The following TASP1 variants were observed in gnomAD, a reference collection of about 807,000 sequenced individuals.
TASP1 encodes taspase 1, also known as threonine aspartase 1.
A neutral mutation model predicts 56.6 loss-of-function variants in TASP1; 16 were observed. The observed-to-expected ratio is 0.28, with a 90% CI of 0.19 to 0.43. The LOEUF (loss-of-function observed/expected upper bound fraction) is 0.43. TASP1 is among the 20% of genes least tolerant of loss of function. TASP1 has a pLI of 1.00. For synonymous variants in TASP1, 179 were observed against 184.2 expected (o/e 0.97, Z 0.23); for missense variants, 393 against 511.6 (o/e 0.77, Z 2.24).
At chr20:13,375,043 A>C in the TASP1 span, among the ~76,000 whole-genome samples, 1 of 152,142 alleles carries the variant, frequency 6.6e-6, no homozygotes, top group African/African-American at 2.4e-5. Context: ...CAGCAGTATA[A>C]TTGGGCTGGG....
At chr20:13,255,561 G>A in the TASP1 span, among the ~76,000 whole-genome samples, 3 of 152,206 alleles carry the variant, frequency 2.0e-5, no homozygotes, top group African/African-American at 7.2e-5. Flanking sequence ...GGTTTTAAAG[G>A]ATGCATAGGA....
the TASP1 span, chr20:13,221,863 C>A: frequency 2.2e-5 from 31 of 1,429,522 alleles, no homozygotes; most frequent in Non-Finnish European, 2.6e-5. Flanking sequence ...GCTCGGGAGC[C>A]GCCGACGGGC....
At chr20:13,232,341 G>C in the TASP1 span, among the ~76,000 whole-genome samples, 1 of 152,170 alleles carries the variant, frequency 6.6e-6, no homozygotes, top group African/African-American at 2.4e-5. Context: ...CCACTGATCT[G>C]CCTTCTCTCA....
At position 13,597,905 on chromosome 20, in the gene TASP1, C is replaced by T. The variant is rs572471200; in HGVS notation, c.283-10535G>A. Among the ~76,000 whole-genome samples, 4 of 152,170 alleles carry T rather than the reference C, an allele frequency of 2.6e-5. No homozygotes were observed. In the South Asian group the frequency reaches 8.3e-4, roughly 32 times the overall value. Reference sequence around the variant, plus strand: ...CACCAATAACAGACAAACAGAGAGCCAAATCATGAGTGAACTCCCATTCAC... The same window carrying T: ...CACCAATAACAGACAAACAGAGAGCTAAATCATGAGTGAACTCCCATTCAC... On this transcript the variant is annotated intron_variant, in intron 4 of 13. Coordinates refer to ENST00000337743, the MANE Select transcript of TASP1 (RefSeq NM_017714.3).
the TASP1 span, among the ~76,000 whole-genome samples, chr20:13,276,636 G>A: frequency 4.6e-5 from 7 of 151,986 alleles, no homozygotes; most frequent in African/African-American, 1.7e-4. Context: ...TTAAGGATGA[G>A]AAAGGACGGT....
intron 11 of TASP1, among the ~76,000 whole-genome samples, chr20:13,456,665 AC>A (rs539664933): frequency 2.0e-3 from 302 of 152,216 alleles, no homozygotes; most frequent in African/African-American, 6.8e-3. Flanking sequence ...TTTTTCATGA[AC>A]TTTTTGCAGT....
At chr20:13,558,961 A>G in intron 8 of TASP1, 47 bp downstream of exon 8, 2 of 1,204,144 alleles carry the variant, frequency 1.7e-6, no homozygotes, top group African/African-American at 3.1e-5. Context: ...AATGCAGAAG[A>G]TATATCATCT....
At chr20:13,190,367 C>G in the TASP1 span, among the ~76,000 whole-genome samples, 1 of 152,276 alleles carries the variant, frequency 6.6e-6, no homozygotes, top group East Asian at 1.9e-4. Flanking sequence ...TACCATGGTA[C>G]TGGCATAAAA....
At chr20:13,337,397 GCTC>G in the TASP1 span, among the ~76,000 whole-genome samples, 1 of 152,144 alleles carries the variant, frequency 6.6e-6, no homozygotes, top group Non-Finnish European at 1.5e-5. Flanking sequence ...GCTTCACACA[GCTC>G]CTCATTCCCA....
At position 13,582,350 on chromosome 20, in the gene TASP1, CTT is replaced by C. The variant is rs373113204; in HGVS notation, c.404-1371_404-1370del. ...TAACTTATAACTTATAAATTTATAACTTATAACTTATAAATTGGATTTATAAG... is the reference window on the plus strand; with the variant it reads ...TAACTTATAACTTATAAATTTATAACATAACTTATAAATTGGATTTATAAG... On this transcript the variant is annotated intron_variant, in intron 5 of 13. Coordinates refer to ENST00000337743, the MANE Select transcript of TASP1 (RefSeq NM_017714.3). Among the ~76,000 whole-genome samples, 498 of 151,130 alleles carry C rather than the reference CTT, an allele frequency of 3.3e-3. 2 individuals are homozygous for C. Among genetic ancestry groups the C allele is most frequent in the East Asian group, 0.012 (60 of 5,156 alleles).
At chr20:13,219,031 T>C in the TASP1 span, among the ~76,000 whole-genome samples, 7 of 152,366 alleles carry the variant, frequency 4.6e-5, no homozygotes, top group East Asian at 1.3e-3. Flanking sequence ...TTCCAGAGTT[T>C]TTTAAAGGTC....
At chr20:13,609,085 T>C (rs564530330) in intron 4 of TASP1, among the ~76,000 whole-genome samples, 4 of 152,260 alleles carry the variant, frequency 2.6e-5, no homozygotes, top group Non-Finnish European at 2.9e-5. Flanking sequence ...GCTCCAAATT[T>C]CAATAACAAC....
chr20:13,342,330 C>G, the TASP1 span, among the ~76,000 whole-genome samples: 4 of 152,160 alleles, frequency 2.6e-5, no homozygotes, highest in Non-Finnish European at 5.9e-5. Context: ...CAGGATGTTT[C>G]TTTCATGGAG....
chr20:13,446,554 T>C (rs73901176), intron 11 of TASP1, among the ~76,000 whole-genome samples: 2,323 of 152,204 alleles, frequency 0.015, 65 homozygotes, highest in African/African-American at 0.05. Context: ...CTCCAAGGCC[T>C]ATTCTATAGA....
intron 7 of TASP1, among the ~76,000 whole-genome samples, chr20:13,563,560 C>A (rs561944427): frequency 1.3e-5 from 2 of 151,964 alleles, no homozygotes; most frequent in Non-Finnish European, 2.9e-5. Context: ...AAGGATAATA[C>A]ACTATGACAA....
At chr20:13,278,125 G>T in the TASP1 span, among the ~76,000 whole-genome samples, 1 of 152,144 alleles carries the variant, frequency 6.6e-6, no homozygotes, top group Non-Finnish European at 1.5e-5. Flanking sequence ...ACTCATCCAG[G>T]GGGTGTTGCA....
intron 11 of TASP1, among the ~76,000 whole-genome samples, chr20:13,474,204 G>T (rs1351764641): frequency 1.3e-5 from 2 of 152,162 alleles, no homozygotes; most frequent in Admixed American, 6.5e-5. Context: ...TCTTTAAGTG[G>T]TTATTTCTGA....
At chr20:13,266,288 A>G in the TASP1 span, among the ~76,000 whole-genome samples, 1 of 152,228 alleles carries the variant, frequency 6.6e-6, no homozygotes, top group Non-Finnish European at 1.5e-5. Context: ...GGCTGTAAGA[A>G]GAGGATATTT....
the TASP1 span, among the ~76,000 whole-genome samples, chr20:13,304,866 C>T: frequency 6.6e-6 from 1 of 152,144 alleles, no homozygotes; most frequent in African/African-American, 2.4e-5. Flanking sequence ...CCTTGCCTTC[C>T]CCATCTCTCT....
Sources: allele counts gnomAD v4.1 joint callset (sites outside exome capture counted in the v4.1 genomes callset), GRCh38; gene constraint gnomAD v4.1.1; transcripts MANE v1.5; gene names NCBI Gene and HGNC (gene_info 2026-07-23, HGNC 2026-07-21).